CAPN8: variants seen among roughly 807,000 people sequenced by gnomAD.
The protein encoded by CAPN8 is calpain-8.
A neutral mutation model predicts 80.9 loss-of-function variants in CAPN8; 87 were observed. That is an observed-to-expected ratio of 1.07 (90% CI 0.90 to 1.28). The LOEUF is 1.28. Among genes scored for constraint, CAPN8 ranks in the 50% most tolerant of loss-of-function variants. The pLI, the probability that CAPN8 is intolerant of heterozygous loss-of-function variation, is 0.00. For synonymous variants in CAPN8, 299 were observed against 273.8 expected, an observed-to-expected ratio of 1.09 and a Z score of -0.91; for missense variants, 757 against 702.0, an observed-to-expected ratio of 1.08 and a Z score of -0.89.
intron 1 of CAPN8, among the ~76,000 whole-genome samples, chr1:223,654,762 G>A (rs1432112082): frequency 7.9e-5 from 12 of 151,706 alleles, no homozygotes; most frequent in African/African-American, 1.2e-4. Context: ...TGCAACCTCC[G>A]CCTCCCGGAT....
chr1:223,648,552 C>A (rs943892048), intron 2 of CAPN8, among the ~76,000 whole-genome samples: 1 of 152,168 alleles, frequency 6.6e-6, no homozygotes, highest in African/African-American at 2.4e-5. Flanking sequence ...CATGCCAGGC[C>A]CCTGTTCCAG....
chr1:223,545,418 A>G, intron 16 of CAPN8, 119 bp from the exon 17 acceptor site: 2 of 1,472,496 alleles, frequency 1.4e-6, no homozygotes, highest in South Asian at 1.3e-5. Context: ...TGTCTGTGGC[A>G]AGCAGAGCAG....
intron 17 of CAPN8, 79 bp downstream of exon 17, chr1:223,545,152 C>T: frequency 6.5e-7 from 1 of 1,547,846 alleles, no homozygotes; most frequent in Non-Finnish European, 8.7e-7. Flanking sequence ...AGGATGTGGT[C>T]AGAATACAAT....
chr1:223,551,298 A>T (rs567171530), intron 14 of CAPN8, among the ~76,000 whole-genome samples: 20 of 152,196 alleles, frequency 1.3e-4, no homozygotes, highest in African/African-American at 4.8e-4. Flanking sequence ...GCGTGCCACC[A>T]CGCCTGGCTA....
chr1:223,544,722 C>A (rs575356407), intron 18 of CAPN8, 50 bp downstream of exon 18: 2 of 1,545,604 alleles, frequency 1.3e-6, no homozygotes, highest in Admixed American at 4.0e-5. Flanking sequence ...TAAATATTTA[C>A]AATGTGCACA....
intron 2 of CAPN8, chr1:223,629,033 C>T (rs921528834): frequency 1.5e-5 from 7 of 477,804 alleles, no homozygotes; most frequent in Middle Eastern, 5.5e-4. Flanking sequence ...CTGATCATTT[C>T]CCCACTCCTA....
rs1657047138 is a variant in CAPN8 at position 223,612,246 on chromosome 1, C to T, written c.1323G>A (p.Glu441=). 3 of 1,234,182 alleles carry T rather than the reference C, an allele frequency of 2.4e-6. No homozygotes were observed. Among genetic ancestry groups the T allele is most frequent in the African/African-American group, 3.1e-5 (2 of 64,488 alleles). 76.5% of individuals were successfully genotyped at this position (1,234,182 alleles called of 1,614,324 possible). A position where few individuals can be genotyped will look rare whatever the true frequency, so the allele number is the denominator to read the frequency against. Reference sequence around the variant, plus strand: ...GGAATCTCTGTCAGCACTCACATACCTCCTTGGGAACCTGTGGGGCAGAAG... The same window carrying T: ...GGAATCTCTGTCAGCACTCACATACTTCCTTGGGAACCTGTGGGGCAGAAG... ...IGYAVYQVPK[E]LESHTDAHLG... is the part of the protein sequence containing the mutation. The change falls in exon 11 of 21, where the codon GAG becomes GAA. Residue 441 remains glutamate, a splice_region_variant and synonymous_variant. Coordinates refer to ENST00000366872, the MANE Select transcript of CAPN8 (RefSeq NM_001143962.2).
At chr1:223,640,569 T>C (rs1207837306) in intron 2 of CAPN8, among the ~76,000 whole-genome samples, 1 of 152,186 alleles carries the variant, frequency 6.6e-6, no homozygotes, top group South Asian at 2.1e-4. Flanking sequence ...GAAGCCATTC[T>C]GATTCCTTTT....
intron 3 of CAPN8, among the ~76,000 whole-genome samples, chr1:223,628,443 G>T (rs551628859): frequency 3.9e-5 from 6 of 152,232 alleles, no homozygotes; most frequent in African/African-American, 1.4e-4. Context: ...TGAAGGCCAC[G>T]TGGCCTAGGG....
chr1:223,615,313 A>C (rs183696428), intron 10 of CAPN8, among the ~76,000 whole-genome samples: 1 of 152,108 alleles, frequency 6.6e-6, no homozygotes, highest in African/African-American at 2.4e-5. Flanking sequence ...GTGGATTCCA[A>C]TTTGCTTCTG....
intron 6 of CAPN8, among the ~76,000 whole-genome samples, chr1:223,624,689 G>A (rs1243638855): frequency 3.3e-5 from 5 of 151,250 alleles, no homozygotes; most frequent in Non-Finnish European, 7.4e-5. Context: ...AGTCCCACCT[G>A]GGCAATGGAG....
intron 18 of CAPN8, 89 bp from the exon 19 acceptor site, chr1:223,544,272 C>G: frequency 1.5e-6 from 1 of 678,354 alleles, no homozygotes; most frequent in Non-Finnish European, 2.7e-6. Flanking sequence ...ATCCCAGGGG[C>G]CCCTCTGTGG....
rs370802977 is a variant in CAPN8, at chr1:223,616,028, C to T, written c.1253G>A (p.Arg418His). The change falls in exon 10 of 21, where the codon CGC becomes CAC. Residue 418 changes from arginine (R) to histidine (H), a missense_variant. Transcript: ENST00000366872. ...TVLLGLMQKN[R>H]RWRKRIGQGM... Reference sequence around the variant, plus strand: ...TTGTCCTATCCGCTTCCGCCACCTGCGATTTTTCTGCATCAGGCCCAGCAG... The same window carrying T: ...TTGTCCTATCCGCTTCCGCCACCTGTGATTTTTCTGCATCAGGCCCAGCAG... 49 of 1,552,192 alleles carry T rather than the reference C, an allele frequency of 3.2e-5. No individual in the cohort carries two copies. Among genetic ancestry groups the T allele is most frequent in the East Asian group, 4.9e-5 (2 of 40,934 alleles).
intron 20 of CAPN8, among the ~76,000 whole-genome samples, chr1:223,542,466 AAAGTGGGT>A (rs200294840): frequency 2.0e-5 from 3 of 152,282 alleles, no homozygotes; most frequent in East Asian, 3.9e-4. Context: ...AGAAGAAAAG[AAAGTGGGT>A]AAGCACAGAC....
chr1:223,547,332 C>A (rs1283463754), intron 16 of CAPN8, among the ~76,000 whole-genome samples: 1 of 152,136 alleles, frequency 6.6e-6, no homozygotes, highest in Non-Finnish European at 1.5e-5. Flanking sequence ...ATTGAAACAT[C>A]ATGTTCAGTA....
intron 10 of CAPN8, among the ~76,000 whole-genome samples, chr1:223,613,860 A>T (rs1416866945): frequency 1.3e-5 from 2 of 152,028 alleles, no homozygotes; most frequent in African/African-American, 4.8e-5. Context: ...AACCCCAGCT[A>T]CTTCTGATAC....
In CAPN8 at chr1:223,544,183, C is replaced by G; in HGVS notation, c.1913G>C (p.Gly638Ala). ...CTGCACCTGGCTGTTGAGGGTGAAA[C>G]CTGAGGGCAGAGGGAGCCTGGGTCA... ...HEMRTALRKAGFTLNSQVQQT... is the reference protein window; with the variant it reads ...HEMRTALRKAAFTLNSQVQQT... The change falls in exon 19 of 21, where the codon GGT (glycine) becomes GCT (alanine). Residue 638 changes from glycine to alanine, a missense_variant and splice_region_variant. Transcript: ENST00000366872. The G allele has an allele frequency of 1.4e-6, 1 of 717,900 alleles. No homozygotes were observed. Among genetic ancestry groups the G allele is most frequent in the Non-Finnish European group, 2.6e-6 (1 of 385,058 alleles). 44.5% of individuals were successfully genotyped at this position (717,900 alleles called of 1,614,324 possible).
chr1:223,642,815 A>G (rs754754269), intron 2 of CAPN8: 1 of 456,296 alleles, frequency 2.2e-6, no homozygotes, highest in South Asian at 1.5e-5. Flanking sequence ...CACCAGGCCA[A>G]TTCTCATCCA....
chr1:223,622,780 A>G, intron 7 of CAPN8, 35 bp downstream of exon 7: 1 of 1,495,572 alleles, frequency 6.7e-7, no homozygotes, highest in South Asian at 1.2e-5. Context: ...CCGCAGAGGG[A>G]GAGATGACTG....
Sources: allele counts gnomAD v4.1 joint callset (sites outside exome capture counted in the v4.1 genomes callset), GRCh38; gene constraint gnomAD v4.1.1; transcripts MANE v1.5; gene names NCBI Gene and HGNC (gene_info 2026-07-23, HGNC 2026-07-21).